Variants in FBN3 observed in about 807,000 individuals in gnomAD.
FBN3 encodes fibrillin-3.
A neutral mutation model predicts 330.1 loss-of-function variants in FBN3; 234 were observed. The ratio of observed to expected loss-of-function variants is 0.71; its 90% CI spans 0.64 to 0.79. The LOEUF is 0.79. FBN3 is among the 30% of genes least tolerant of loss of function. FBN3 has a pLI of 0.00. For synonymous variants in FBN3, 1,458 were observed against 1,517.3 expected (o/e 0.96, Z 0.91); for missense variants, 3,606 against 3,886.9 (o/e 0.93, Z 1.92).
chr19:8,117,695 A>C, intron 26 of FBN3, 106 bp from the exon 27 acceptor site: 1 of 1,320,678 alleles, frequency 7.6e-7, no homozygotes, highest in Non-Finnish European at 1.0e-6. Flanking sequence ...TCACACTGCC[A>C]GCATTGGCAC....
rs759547500 is a variant in FBN3 at position 8,073,326 on chromosome 19, G to A, written c.7703-29C>T. ...TGGGAGGAAAGGAGGAGGAGAGGGA[G>A]GACGCAGAGGTGGGGCAGTGCAGCC... On this transcript the variant is annotated intron_variant, in intron 61 of 63. Coordinates refer to ENST00000600128, the MANE Select transcript of FBN3 (RefSeq NM_032447.5). 4.4e-6 allele frequency: 7 copies of A among 1,583,912 alleles called. No individual in the cohort carries two copies. In the Admixed American group the frequency reaches 1.2e-4, roughly 27 times the overall value.
intron 18 of FBN3, 65 bp downstream of exon 18, chr19:8,128,963 C>A: frequency 2.6e-6 from 4 of 1,553,930 alleles, no homozygotes; most frequent in Non-Finnish European, 3.5e-6. Flanking sequence ...CGTGCACACG[C>A]CACATGCCAA....
At chr19:8,105,687 G>GT (rs2082422789) in intron 38 of FBN3, among the ~76,000 whole-genome samples, 1 of 152,180 alleles carries the variant, frequency 6.6e-6, no homozygotes, top group South Asian at 2.1e-4. Flanking sequence ...TATTAGCATG[G>GT]TAAGAGTGAT....
At chr19:8,089,420 G>T in intron 51 of FBN3, 125 bp downstream of exon 51, 1 of 1,012,876 alleles carries the variant, frequency 9.9e-7, no homozygotes, top group Non-Finnish European at 1.4e-6. Context: ...AGTGAATGGG[G>T]GAGAGAGGCA....
At position 8,131,463 on chromosome 19, in the gene FBN3, C is replaced by G. The variant is rs1599418646; in HGVS notation, c.1990+91G>C. Reference sequence around the variant, plus strand: ...CCTCTTTTTGGGAAGAGCCCCCACTCCATGGCAGCCATGACCCCCCACCAG... The same window carrying G: ...CCTCTTTTTGGGAAGAGCCCCCACTGCATGGCAGCCATGACCCCCCACCAG... On this transcript the variant is annotated intron_variant, in intron 15 of 63. Transcript: ENST00000600128. The surrounding 1 kb of genome is among the most constrained non-coding windows in gnomAD (Gnocchi z 4.5). 6.6e-7 allele frequency: 1 copy of G among 1,516,380 alleles called. No homozygotes were observed. 93.9% of individuals were successfully genotyped at this position (1,516,380 alleles called of 1,614,324 possible). A position where few individuals can be genotyped will look rare whatever the true frequency, so the allele number is the denominator to read the frequency against.
Position 8,086,340 on chromosome 19 carries a change from G to T in FBN3, c.6755-15C>A. 1 of 1,584,684 alleles carries T rather than the reference G, an allele frequency of 6.3e-7. No individual in the cohort carries two copies. The highest frequency in any genetic ancestry group is 1.1e-5 in the South Asian group (1 of 88,026). ...TTCATTGTCATCTGAGATGGGAGGG[G>T]TGAGGCAGGTGGGCGGGGAGGCCAC... is the stretch of plus-strand genomic sequence containing the variant. On this transcript the variant is annotated splice_polypyrimidine_tract_variant and intron_variant, in intron 54 of 63. Coordinates refer to ENST00000600128, the MANE Select transcript of FBN3 (RefSeq NM_032447.5).
chr19:8,141,899 G>A (rs1568458310), intron 7 of FBN3, 41 bp downstream of exon 7: 4 of 1,612,414 alleles, frequency 2.5e-6, no homozygotes, highest in South Asian at 1.1e-5. Context: ...AAGAACCAAG[G>A]CAGCTAAGGC....
rs1449328669 is a variant in FBN3 at position 8,096,867 on chromosome 19, G to A, written c.5413+14C>T. 2.5e-6 allele frequency: 4 copies of A among 1,611,664 alleles called. No homozygotes were observed. Among genetic ancestry groups the A allele is most frequent in the Non-Finnish European group, 3.4e-6 (4 of 1,179,744 alleles). The stretch of plus-strand genomic sequence containing the variant: ...AGCCCAGCTCCCTCACCTCCTCCCA[G>A]GGACCCTGCTCACCCACACAAGCCC... On this transcript the variant is annotated intron_variant, in intron 43 of 63. Transcript: ENST00000600128. The surrounding 1 kb of genome is among the most constrained non-coding windows in gnomAD (Gnocchi z 4.6).
At chr19:8,094,699 C>T (rs773551826) in intron 46 of FBN3, 134 bp from the exon 47 acceptor site, 28 of 981,812 alleles carry the variant, frequency 2.9e-5, no homozygotes, top group Non-Finnish European at 4.1e-5. Context: ...GCAATTCTGG[C>T]TCCAGGGCAA....
At chr19:8,147,080 C>A in intron 3 of FBN3, 24 bp downstream of exon 3, 3 of 1,543,556 alleles carry the variant, frequency 1.9e-6, no homozygotes, top group Non-Finnish European at 2.6e-6. Flanking sequence ...TGCCCCCCCA[C>A]CTCCAGACGG....
At position 8,083,276 on chromosome 19, in the gene FBN3, G is replaced by A. The variant is rs769798601; in HGVS notation, c.7184C>T (p.Thr2395Ile). The change falls in exon 57 of 64, where the codon ACA becomes ATA. Residue 2395 changes from threonine (T) to isoleucine (I), a missense_variant. By Grantham distance (89) the Thr-to-Ile change is moderately conservative (BLOSUM62 -1). Transcript: ENST00000600128. Reference sequence around the variant, plus strand: ...GCAGGTAGTAGCAGTAGCATCCGGTGTGTACCCGGCCTGACAGTGGCAGCG... The same window carrying A: ...GCAGGTAGTAGCAGTAGCATCCGGTATGTACCCGGCCTGACAGTGGCAGCG... ...SFRCHCQAGY[T>I]PDATATTCLD... 1 of 1,614,162 alleles carries A rather than the reference G, an allele frequency of 6.2e-7. No homozygotes were observed. Among genetic ancestry groups the A allele is most frequent in the Admixed American group, 1.7e-5 (1 of 60,026 alleles).
At position 8,116,697 on chromosome 19, in the gene FBN3, G is replaced by A. The variant is rs538423152; in HGVS notation, c.3689C>T (p.Thr1230Met). 9.3e-6 allele frequency: 15 copies of A among 1,613,874 alleles called. No individual in the cohort carries two copies. Among genetic ancestry groups the A allele is most frequent in the Admixed American group, 1.7e-5 (1 of 59,990 alleles). Residue 1230 changes from threonine to methionine, a missense_variant, in exon 29 of 64, where the codon ACG becomes ATG. Coordinates refer to ENST00000600128, the MANE Select transcript of FBN3 (RefSeq NM_032447.5). ...ACCAACACATGTCCTCATGTCTGGC[G>A]TGGCCATGAAGCCATCATAGCACAG... ...RCLCYDGFMA[T>M]PDMRTCVDVD... is the part of the protein sequence containing the mutation.
intron 37 of FBN3, among the ~76,000 whole-genome samples, 167 bp from the exon 38 acceptor site, chr19:8,106,400 C>A (rs565135274): frequency 3.9e-5 from 6 of 152,224 alleles, no homozygotes; most frequent in Non-Finnish European, 7.3e-5. Context: ...GACACAGATT[C>A]TCTTGAGTTA....
At chr19:8,097,222 C>A in intron 42 of FBN3, 67 bp downstream of exon 42, 1 of 1,558,626 alleles carries the variant, frequency 6.4e-7, no homozygotes. Context: ...GTTACTCGCC[C>A]AGATTGCACA....
intron 59 of FBN3, among the ~76,000 whole-genome samples, chr19:8,076,955 T>C (rs924139585): frequency 1.3e-5 from 2 of 152,144 alleles, no homozygotes; most frequent in African/African-American, 4.8e-5. Flanking sequence ...GGGGACTACG[T>C]TGTCCACTAT....
Position 8,096,027 on chromosome 19 carries a change from T to C in FBN3, c.5593A>G (p.Ile1865Val). The C allele has an allele frequency of 6.2e-7, 1 of 1,614,048 alleles. No individual in the cohort carries two copies. The highest frequency in any genetic ancestry group is 1.3e-5 in the African/African-American group (1 of 75,022). The change falls in exon 45 of 64, where the codon ATT (isoleucine) becomes GTT (valine). Residue 1865 changes from isoleucine to valine, a missense_variant. Coordinates refer to ENST00000600128, the MANE Select transcript of FBN3 (RefSeq NM_032447.5). This position sits in a 1 kb window ranked among gnomAD's most constrained non-coding sequence, Gnocchi z 4.6. ...AAGCAGAGGCAGTTGTAGGAGCCAA[T>C]GATGTTCTTGCAGGTCCCATTTCCA... ...PCGNGTCKNIIGSYNCLCFPG... is the reference protein window; with the variant it reads ...PCGNGTCKNIVGSYNCLCFPG...
At chr19:8,105,258 TTTC>T in intron 38 of FBN3, among the ~76,000 whole-genome samples, 1 of 151,314 alleles carries the variant, frequency 6.6e-6, no homozygotes, top group Non-Finnish European at 1.5e-5. Context: ...CAGTCTTTTT[TTTC>T]TTTTTTTTTT....
intron 61 of FBN3, 128 bp downstream of exon 61, chr19:8,074,943 G>C: frequency 7.7e-7 from 1 of 1,295,972 alleles, no homozygotes; most frequent in Non-Finnish European, 1.1e-6. Flanking sequence ...ACTACCTTCT[G>C]GGCTGGCCTG....
At chr19:8,080,424 G>A (rs1008372991) in intron 59 of FBN3, among the ~76,000 whole-genome samples, 1 of 152,174 alleles carries the variant, frequency 6.6e-6, no homozygotes, top group African/African-American at 2.4e-5. Flanking sequence ...AGCGCTCTGG[G>A]GAGGCTCTGG....
Sources: allele counts gnomAD v4.1 joint callset (sites outside exome capture counted in the v4.1 genomes callset), GRCh38; gene constraint gnomAD v4.1.1; non-coding constraint Gnocchi (gnomAD v3.1); transcripts MANE v1.5; gene names NCBI Gene and HGNC (gene_info 2026-07-23, HGNC 2026-07-21).